Variants in TMCO6 observed in about 807,000 individuals in gnomAD.
TMCO6 encodes transmembrane and coiled-coil domains 6, also known as transmembrane and coiled-coil domain-containing protein 6.
Under a neutral mutation model 61.8 loss-of-function variants are expected in TMCO6, and 47 were observed. That is an observed-to-expected ratio of 0.76 (90% CI 0.60 to 0.97). The LOEUF (loss-of-function observed/expected upper bound fraction) is 0.97, where lower values mean the gene tolerates loss of function less well. Ranked by LOEUF, TMCO6 falls within the 50% of genes least tolerant of loss-of-function variation. The pLI is 0.00. For synonymous variants in TMCO6, 261 were observed against 254.2 expected (o/e 1.03, Z -0.25); for missense variants, 557 against 601.6 (o/e 0.93, Z 0.78).
intron 2 of TMCO6, 89 bp from the exon 3 acceptor site, chr5:140,641,575 TG>T (rs1757032937): frequency 9.5e-7 from 1 of 1,057,678 alleles, no homozygotes; most frequent in Non-Finnish European, 1.4e-6. Flanking sequence ...GGTGTGATAT[TG>T]GAAGGCTCAC....
chr5:140,643,178 A>G (rs952726754), intron 7 of TMCO6, 137 bp downstream of exon 7: 1 of 1,223,670 alleles, frequency 8.2e-7, no homozygotes, highest in Admixed American at 2.5e-5. Flanking sequence ...GGAGCCCAGG[A>G]GACCCACAGA....
At chr5:140,611,042 A>G in the TMCO6 span, among the ~76,000 whole-genome samples, 5 of 152,178 alleles carry the variant, frequency 3.3e-5, no homozygotes, top group African/African-American at 1.2e-4. Flanking sequence ...AACCTGTAAG[A>G]ATTAAAGAGG....
At chr5:140,600,547 C>A in the TMCO6 span, among the ~76,000 whole-genome samples, 4 of 151,232 alleles carry the variant, frequency 2.6e-5, no homozygotes, top group African/African-American at 7.3e-5. Flanking sequence ...CTCACTGCAA[C>A]CTTCGCCTCC....
upstream of TMCO6, among the ~76,000 whole-genome samples, chr5:140,637,396 T>G (rs913383232): frequency 6.6e-6 from 1 of 152,220 alleles, no homozygotes; most frequent in Non-Finnish European, 1.5e-5. Flanking sequence ...AATTCAGTTT[T>G]ATGCAGAGAA....
the TMCO6 span, among the ~76,000 whole-genome samples, chr5:140,603,036 A>G: frequency 1.3e-5 from 2 of 152,176 alleles, no homozygotes; most frequent in African/African-American, 4.8e-5. Flanking sequence ...TCAAAAAAAA[A>G]AAAGTGTATG....
chr5:140,616,377 T>C, the TMCO6 span, among the ~76,000 whole-genome samples: 1 of 151,986 alleles, frequency 6.6e-6, no homozygotes, highest in Non-Finnish European at 1.5e-5. Flanking sequence ...CTGGGCAACA[T>C]AGTAAACCAT....
chr5:140,636,076 G>A (rs1165373012), upstream of TMCO6, among the ~76,000 whole-genome samples: 1 of 152,118 alleles, frequency 6.6e-6, no homozygotes, highest in Non-Finnish European at 1.5e-5. Flanking sequence ...TTGGCTCATC[G>A]CAACCTCCAC....
In TMCO6 at chr5:140,645,122, TC is replaced by T; in HGVS notation, c.*28del. 6.2e-7 allele frequency: 1 copy of T among 1,601,842 alleles called. No individual in the cohort carries two copies. ...GATCTTGTTTCTCAATGTCACTCAT[TC>T]CCCTCTCTCTTAACATCAAGCTTGT... On this transcript the variant is annotated 3_prime_UTR_variant, in exon 12 of 12. Transcript: ENST00000394671.
chr5:140,647,709 G>T (rs776474256), downstream of TMCO6: 1 of 1,384,780 alleles, frequency 7.2e-7, no homozygotes, highest in Non-Finnish European at 1.0e-6. Flanking sequence ...CTTGGCCAAT[G>T]ATATAAAAGT....
Position 140,645,308 on chromosome 5 carries a change from G to A in TMCO6, c.*210G>A. 1.4e-6 allele frequency: 1 copy of A among 719,108 alleles called. No homozygotes were observed. The allele number at this position is 719,108 out of a possible 1,614,324, so 44.5% of individuals were successfully genotyped here. ...GGACTCAGTGTGGTCTACTTACTCT[G>A]GGGCCCTAGAATCCCTGCCCCCCCG... On this transcript the variant is annotated 3_prime_UTR_variant, in exon 12 of 12. Transcript: ENST00000394671.
rs374980486 is a variant in TMCO6, at chr5:140,641,957, G to A, written c.402G>A (p.Glu134=). ...TTGAGGCGGCTCGGTGCCTGCATGAGCTCTCTCACTCCGAGCAGTCCACTG... is the reference window on the plus strand; with the variant it reads ...TTGAGGCGGCTCGGTGCCTGCATGAACTCTCTCACTCCGAGCAGTCCACTG... The part of the protein sequence containing the change: ...LQLEAARCLH[E]LSHSEQSTVA... Residue 134 remains glutamate, a synonymous_variant, in exon 4 of 12, where the codon GAG becomes GAA. Coordinates refer to ENST00000394671, the MANE Select transcript of TMCO6 (RefSeq NM_018502.5). 5.0e-6 allele frequency: 8 copies of A among 1,614,038 alleles called. No homozygotes were observed. The East Asian group carries it at 6.7e-5, about 13-fold the overall frequency.
In TMCO6 at chr5:140,643,575, A is replaced by ATCC; in HGVS notation, c.821_823dup (p.Pro274dup). The ATCC allele has an allele frequency of 6.2e-7, 1 of 1,613,862 alleles. No homozygotes were observed. Among genetic ancestry groups the ATCC allele is most frequent in the Non-Finnish European group, 8.5e-7 (1 of 1,179,988 alleles). ...TTCCTGTTGCCCAGCCAGGTCAGCAATCCTCTGCTCATTGGCCATGGGGCT... is the reference window on the plus strand; with the variant it reads ...TTCCTGTTGCCCAGCCAGGTCAGCAATCCTCCTCTGCTCATTGGCCATGGGGCT... On this transcript the variant is annotated inframe_insertion, in exon 8 of 12. Transcript: ENST00000394671.
At chr5:140,647,355 T>A (rs748184129), downstream of TMCO6, 1 of 1,609,932 alleles carries the variant, frequency 6.2e-7, no homozygotes, top group Non-Finnish European at 8.5e-7. Context: ...CGTTTCTCAA[T>A]GAAGTCCCTG....
At chr5:140,598,942 A>C in the TMCO6 span, among the ~76,000 whole-genome samples, 1 of 152,098 alleles carries the variant, frequency 6.6e-6, no homozygotes, top group Non-Finnish European at 1.5e-5. Flanking sequence ...TCTCAAAAAC[A>C]AAAAAACCAA....
the TMCO6 span, among the ~76,000 whole-genome samples, chr5:140,598,778 A>G: frequency 1.3e-5 from 2 of 152,144 alleles, no homozygotes; most frequent in South Asian, 4.1e-4. Context: ...TATTAAAACT[A>G]CAAAAGAATT....
At chr5:140,632,501 G>T in the TMCO6 span, 1 of 1,614,152 alleles carries the variant, frequency 6.2e-7, no homozygotes, top group South Asian at 1.1e-5. This position sits in a 1 kb window ranked among gnomAD's most constrained non-coding sequence, Gnocchi z 6.2. Context: ...GCAGCTCGGC[G>T]AGCCAAGAAC....
rs1196727996 is a variant in TMCO6, at chr5:140,644,998, TC to T, written c.1384del (p.Leu462CysfsTer53). The T allele has an allele frequency of 6.2e-7, 1 of 1,614,200 alleles. No individual in the cohort carries two copies. The highest frequency in any genetic ancestry group is 2.2e-5 in the East Asian group (1 of 44,892). On this transcript the variant is annotated frameshift_variant, in exon 12 of 12. Coordinates refer to ENST00000394671, the MANE Select transcript of TMCO6 (RefSeq NM_018502.5). LOFTEE classifies it high-confidence loss of function. ...FLYQPEAVQVFLQQSGLQALE... is the reference protein window; with the variant it reads ...FLYQPEAVQVXLQQSGLQALE... The stretch of plus-strand genomic sequence containing the variant: ...CCCTGCCCCTAGGCTGTTCAGGTCT[TC>T]CTGCAGCAGTCAGGGCTGCAAGCCC...
chr5:140,647,604 C>G, downstream of TMCO6: 1 of 1,606,408 alleles, frequency 6.2e-7, no homozygotes, highest in African/African-American at 1.3e-5. Flanking sequence ...ATCGAAGTCG[C>G]CAATTCCAGG....
chr5:140,644,495 C>A, intron 10 of TMCO6, 78 bp from the exon 11 acceptor site: 1 of 1,541,672 alleles, frequency 6.5e-7, no homozygotes, highest in Non-Finnish European at 8.8e-7. Flanking sequence ...GGCATGTGGT[C>A]ACCATGTCAT....
Sources: allele counts gnomAD v4.1 joint callset (sites outside exome capture counted in the v4.1 genomes callset), GRCh38; gene constraint gnomAD v4.1.1; non-coding constraint Gnocchi (gnomAD v3.1); transcripts MANE v1.5; gene names NCBI Gene and HGNC (gene_info 2026-07-23, HGNC 2026-07-21).